The following RIMS2 variants were observed in gnomAD, a reference collection of about 807,000 sequenced individuals.
The protein encoded by RIMS2 is regulating synaptic membrane exocytosis protein 2.
RIMS2 carries 59 observed loss-of-function variants against 174.4 expected under a neutral mutation model. That is an observed-to-expected ratio of 0.34 (90% CI 0.27 to 0.42). The LOEUF (loss-of-function observed/expected upper bound fraction) is 0.42, where lower values mean the gene tolerates loss of function less well. Ranked by LOEUF, RIMS2 falls within the 10% of genes least tolerant of loss-of-function variation. The pLI, the probability that RIMS2 is intolerant of heterozygous loss-of-function variation, is 1.00. For missense variants in RIMS2, 1,620 were observed against 1,666.3 expected (o/e 0.97, Z 0.48); for synonymous variants, 606 against 572.5 (o/e 1.06, Z -0.84).
intron 3 of RIMS2, among the ~76,000 whole-genome samples, chr8:103,774,980 T>C (rs1484216891): frequency 1.3e-5 from 2 of 152,198 alleles, no homozygotes; most frequent in Admixed American, 6.5e-5. Flanking sequence ...TTATTAGTAG[T>C]AAATGTTTAA....
chr8:103,702,073 C>T (rs1000644371), intron 2 of RIMS2, among the ~76,000 whole-genome samples: 8 of 151,992 alleles, frequency 5.3e-5, no homozygotes, highest in Admixed American at 5.2e-4. Flanking sequence ...AAGTGTTCAC[C>T]TTTCTCTGCA....
intron 1 of RIMS2, among the ~76,000 whole-genome samples, chr8:103,689,915 A>T (rs66765101): frequency 0.027 from 227 of 8,334 alleles, no homozygotes; most frequent in African/African-American, 0.19. Context: ...TTTTTGTTTG[A>T]TTGTTTGTTT....
chr8:104,130,571 A>G lies in RIMS2; in HGVS notation c.3335-114345A>G, dbSNP rs185765892. On this transcript the variant is annotated intron_variant, in intron 19 of 23. Transcript: ENST00000504942. ...TTGGGAGCCTTGCCATCCTCACCAC[A>G]TCCCCCTCTTCAGAGATGAGAATTT... Among the ~76,000 whole-genome samples, 284 of 152,154 alleles carry G rather than the reference A, an allele frequency of 1.9e-3. 2 individuals are homozygous for G. The highest frequency in any genetic ancestry group is 6.5e-3 in the African/African-American group (271 of 41,522).
At chr8:103,697,268 G>C in exon 2 of RIMS2, 1 of 1,613,546 alleles carries the variant, frequency 6.2e-7, no homozygotes, top group Admixed American at 1.7e-5. Flanking sequence ...GCTCGTTGTG[G>C]AGGTCGAGTG....
chr8:103,792,637 GTTT>G (rs57893772), intron 3 of RIMS2, among the ~76,000 whole-genome samples: 22,192 of 137,494 alleles, frequency 0.16, 1,842 homozygotes, highest in Middle Eastern at 0.24. Flanking sequence ...CCAGGAGCTG[GTTT>G]TTTTTTTTTT....
intron 19 of RIMS2, chr8:104,223,792 AGGT>A: frequency 1.3e-6 from 2 of 1,595,122 alleles, no homozygotes; most frequent in Non-Finnish European, 1.7e-6. Flanking sequence ...AGGAAGAAGG[AGGT>A]GAGACACCCC....
intron 4 of RIMS2, chr8:103,910,106 A>G (rs1372640779): frequency 3.5e-6 from 5 of 1,440,422 alleles, no homozygotes; most frequent in Admixed American, 3.5e-5. Flanking sequence ...CATCTCCTTT[A>G]CTGCACTCTT....
In RIMS2 at chr8:103,597,209, A is replaced by G. The variant is rs1006505995; in HGVS notation, c.176+96147A>G. Among the ~76,000 whole-genome samples, 6 of 152,188 alleles carry G rather than the reference A, an allele frequency of 3.9e-5. No homozygotes were observed. In the South Asian group the frequency reaches 1.0e-3, roughly 26 times the overall value. On this transcript the variant is annotated intron_variant, in intron 1 of 23. Transcript: ENST00000504942. ...TAATAGAGCATAATAGATAATGACC[A>G]TATTTTCTTTAACTATAGTGAGTTT...
At chr8:104,026,720 T>A (rs543769884) in intron 19 of RIMS2, among the ~76,000 whole-genome samples, 1 of 152,328 alleles carries the variant, frequency 6.6e-6, no homozygotes, top group African/African-American at 2.4e-5. Context: ...ATTTTGACAG[T>A]CTTTGTAATT....
chr8:103,648,288 T>C (rs1157723083), intron 1 of RIMS2, among the ~76,000 whole-genome samples: 1 of 152,214 alleles, frequency 6.6e-6, no homozygotes, highest in East Asian at 1.9e-4. Flanking sequence ...AGAGAATGTT[T>C]GTTATTATTT....
intron 19 of RIMS2, among the ~76,000 whole-genome samples, chr8:104,101,070 T>C (rs1005894363): frequency 7.0e-6 from 1 of 143,472 alleles, no homozygotes; most frequent in Non-Finnish European, 1.5e-5. Flanking sequence ...ATATATGTTA[T>C]ATATTATATT....
intron 19 of RIMS2, among the ~76,000 whole-genome samples, chr8:104,153,025 G>A (rs1349411780): frequency 6.6e-6 from 1 of 152,108 alleles, no homozygotes; most frequent in Non-Finnish European, 1.5e-5. Context: ...TCTTCCTAAA[G>A]AATAGTGAAA....
At chr8:103,635,295 A>G (rs2096048519) in intron 1 of RIMS2, among the ~76,000 whole-genome samples, 1 of 152,196 alleles carries the variant, frequency 6.6e-6, no homozygotes, top group African/African-American at 2.4e-5. Context: ...CTTATCTGAA[A>G]AGACAGAGAG....
chr8:103,775,785 T>TGTTTAACA (rs1403200361), intron 3 of RIMS2, among the ~76,000 whole-genome samples: 1 of 152,194 alleles, frequency 6.6e-6, no homozygotes, highest in Admixed American at 6.6e-5. Context: ...TTAAAAAAGA[T>TGTTTAACA]GTTTAACATA....
In RIMS2 at chr8:103,522,008, A is replaced by G. The variant is rs76806546; in HGVS notation, c.176+20946A>G. On this transcript the variant is annotated intron_variant, in intron 1 of 23. Coordinates refer to ENST00000504942, the Ensembl canonical transcript of RIMS2. ...AGTAATGTTTTTTTTCTTTCAGTCT[A>G]TTTTCTGTTGGAGTTTCCTTTCAAC... is the stretch of plus-strand genomic sequence containing the variant. Among the ~76,000 whole-genome samples the G allele has an allele frequency of 6.8e-3, 1,032 of 151,224 alleles. 4 individuals are homozygous for G. Among genetic ancestry groups the G allele is most frequent in the Non-Finnish European group, 0.011 (777 of 67,764 alleles).
At chr8:103,770,119 T>TC (rs1161465263) in intron 3 of RIMS2, among the ~76,000 whole-genome samples, 3 of 152,130 alleles carry the variant, frequency 2.0e-5, no homozygotes, top group African/African-American at 4.8e-5. Context: ...CAGCAAGGGG[T>TC]CAGCAAACTA....
chr8:103,898,534 G>A (rs1467597355), intron 4 of RIMS2, among the ~76,000 whole-genome samples: 2 of 151,538 alleles, frequency 1.3e-5, no homozygotes, highest in Non-Finnish European at 2.9e-5. Context: ...GTAGTCCACT[G>A]TCATTTTTTA....
intron 1 of RIMS2, among the ~76,000 whole-genome samples, chr8:103,668,680 T>TTATTTATTTATG (rs1308390082): frequency 2.0e-5 from 3 of 151,644 alleles, no homozygotes; most frequent in Non-Finnish European, 2.9e-5. Flanking sequence ...ATTTATTTAT[T>TTATTTATTTATG]TATGTATTTA....
At chr8:103,706,389 G>A (rs576834316) in intron 2 of RIMS2, among the ~76,000 whole-genome samples, 1 of 152,184 alleles carries the variant, frequency 6.6e-6, no homozygotes, top group Non-Finnish European at 1.5e-5. Context: ...ACTTATACCA[G>A]TGAGTTTTAT....
Sources: gnomAD v4.1 joint callset for allele counts (sites outside exome capture counted in the v4.1 genomes callset) on GRCh38, gnomAD v4.1.1 for gene constraint, MANE v1.5 for transcripts, NCBI Gene and HGNC (gene_info 2026-07-23, HGNC 2026-07-21) for gene names.